CNNM4: variants seen among roughly 807,000 people sequenced by gnomAD.
CNNM4 encodes the protein cyclin and CBS domain divalent metal cation transport mediator 4, also known as metal transporter CNNM4.
A neutral mutation model predicts 53.7 loss-of-function variants in CNNM4; 32 were observed. The observed-to-expected ratio is 0.60, with a 90% confidence interval of 0.45 to 0.80. CNNM4 has a LOEUF of 0.80. CNNM4 is among the 30% of genes least tolerant of loss of function. The probability of loss-of-function intolerance (pLI) is 0.00; values close to 1 mark genes in which losing one functional copy is unlikely to be tolerated. For synonymous variants in CNNM4, 410 were observed against 440.0 expected (o/e 0.93, Z 0.85); for missense variants, 784 against 1,022.0 (o/e 0.77, Z 3.17).
In CNNM4 at chr2:96,809,874, A is replaced by G. The variant is rs1456553701; in HGVS notation, c.*357A>G. 4 of 175,846 alleles carry G rather than the reference A, an allele frequency of 2.3e-5. No homozygotes were observed. Among genetic ancestry groups the G allele is most frequent in the Admixed American group, 5.6e-5 (1 of 17,726 alleles). 10.9% of individuals were successfully genotyped at this position (175,846 alleles called of 1,614,324 possible). A position where few individuals can be genotyped will look rare whatever the true frequency, so the allele number is the denominator to read the frequency against. On this transcript the variant is annotated 3_prime_UTR_variant, in exon 7 of 7. Transcript: ENST00000377075. The stretch of plus-strand genomic sequence containing the variant: ...AAAAAAAAATATTTTTTTCCTAAAA[A>G]CTATAAAAGAGGAAGGGTTTCTTGT...
rs769139805 is a variant in CNNM4 at position 96,806,105 on chromosome 2, G to T, written c.1949-2456G>T. ...GACCCCCCCCAACCTCCCTCCCGGA[G>T]GGGGCGGCTGGCCGGGCGGGGGGCT... On this transcript the variant is annotated intron_variant, in intron 5 of 6. Coordinates refer to ENST00000377075, the MANE Select transcript of CNNM4 (RefSeq NM_020184.4). Among the ~76,000 whole-genome samples, 3 of 145,300 alleles carry T rather than the reference G, an allele frequency of 2.1e-5. 1 individual carries two copies. Among genetic ancestry groups the T allele is most frequent in the African/African-American group, 8.4e-5 (3 of 35,842 alleles).
intron 1 of CNNM4, among the ~76,000 whole-genome samples, chr2:96,780,041 C>G (rs1418562887): frequency 6.6e-6 from 1 of 152,114 alleles, no homozygotes; most frequent in Non-Finnish European, 1.5e-5. Context: ...ACCTTGTAAT[C>G]TGCCCGTCTT....
chr2:96,789,119 G>A (rs999912511), intron 1 of CNNM4, among the ~76,000 whole-genome samples: 49 of 152,128 alleles, frequency 3.2e-4, no homozygotes, highest in Admixed American at 1.3e-4. Flanking sequence ...AGGGGTTGGG[G>A]TAGCATGGCG....
chr2:96,805,977 G>A (rs1022555489), intron 5 of CNNM4, among the ~76,000 whole-genome samples: 4 of 151,462 alleles, frequency 2.6e-5, no homozygotes, highest in Non-Finnish European at 4.4e-5. Flanking sequence ...CCTCCCAGAC[G>A]GGGTGGTGGC....
At chr2:96,807,568 C>A (rs770887903) in intron 5 of CNNM4, among the ~76,000 whole-genome samples, 14 of 151,538 alleles carry the variant, frequency 9.2e-5, no homozygotes, top group Non-Finnish European at 1.8e-4. Context: ...ACCAAAAAAA[C>A]AAGAAAAAGA....
rs72809848 is a variant in CNNM4, at chr2:96,780,166, T to C, written c.1403-16846T>C. 8.9e-3 allele frequency among the ~76,000 whole-genome samples: 1,353 copies of C among 152,324 alleles called. 15 individuals carry two copies. Among genetic ancestry groups the C allele is most frequent in the Non-Finnish European group, 0.012 (828 of 68,030 alleles). ...CACGATGACCTTTTCATTTGTGTCC[T>C]CTTAGTTTCTTTCAAAAATATTTTT... On this transcript the variant is annotated intron_variant, in intron 1 of 6. Coordinates refer to ENST00000377075, the MANE Select transcript of CNNM4 (RefSeq NM_020184.4).
In CNNM4 at chr2:96,801,917, C is replaced by T. The variant is rs578062547; in HGVS notation, c.1948+2269C>T. On this transcript the variant is annotated intron_variant, in intron 5 of 6. Transcript: ENST00000377075. The surrounding 1 kb of genome is among the most constrained non-coding windows in gnomAD (Gnocchi z 5.6). The stretch of plus-strand genomic sequence containing the variant: ...GGATACACATACACACATAGATACA[C>T]CACTCATAGACACACAAACACACAC... Among the ~76,000 whole-genome samples, 1 of 151,388 alleles carries T rather than the reference C, an allele frequency of 6.6e-6. No individual in the cohort carries two copies. The highest frequency in any genetic ancestry group is 2.4e-5 in the African/African-American group (1 of 41,140).
rs548805987 is a variant in CNNM4 at position 96,810,107 on chromosome 2, C to T, written c.*590C>T. The T allele has an allele frequency of 8.5e-5, 13 of 153,308 alleles. No homozygotes were observed. The highest frequency in any genetic ancestry group is 2.1e-4 in the South Asian group (1 of 4,854). 9.5% of individuals were successfully genotyped at this position (153,308 alleles called of 1,614,324 possible). A position where few individuals can be genotyped will look rare whatever the true frequency, so the allele number is the denominator to read the frequency against. On this transcript the variant is annotated 3_prime_UTR_variant, in exon 7 of 7. Transcript: ENST00000377075. This position sits in a 1 kb window ranked among gnomAD's most constrained non-coding sequence, Gnocchi z 4.1. ...TGGAGATCAGCTGCCTGAGCACCTG[C>T]GCTGTAGCTTATCTGACAACGCTGA...
At position 96,801,114 on chromosome 2, in the gene CNNM4, C is replaced by T; in HGVS notation, c.1948+1466C>T. 2.0e-6 allele frequency: 2 copies of T among 985,396 alleles called. No individual in the cohort carries two copies. Among genetic ancestry groups the T allele is most frequent in the Non-Finnish European group, 2.4e-6 (2 of 829,902 alleles). The allele number at this position is 985,396 out of a possible 1,614,324, so 61.0% of individuals were successfully genotyped here. A position where few individuals can be genotyped will look rare whatever the true frequency, so the allele number is the denominator to read the frequency against. ...GGGTGTCCGCCTGGCAAGCGGAACT[C>T]CCTGCTCTGCTGGCTCACAGGTAAC... On this transcript the variant is annotated intron_variant, in intron 5 of 6. Coordinates refer to ENST00000377075, the MANE Select transcript of CNNM4 (RefSeq NM_020184.4). The surrounding 1 kb of genome is among the most constrained non-coding windows in gnomAD (Gnocchi z 5.6).
Position 96,797,616 on chromosome 2 carries a change from C to A in CNNM4, c.1650C>A (p.Leu550=), listed in dbSNP as rs1291040701. The change falls in exon 3 of 7, where the codon CTC becomes CTA. Residue 550 remains leucine (L), a synonymous_variant. Coordinates refer to ENST00000377075, the MANE Select transcript of CNNM4 (RefSeq NM_020184.4). This position sits in a 1 kb window ranked among gnomAD's most constrained non-coding sequence, Gnocchi z 6.0. The part of the protein sequence containing the change: ...NELKVKISPQ[L]LLAAHRFLAT... ...TCAAAGTGAAAATCTCCCCGCAGCT[C>A]CTCCTGGCCGCTCATCGCTTCCTAG... The A allele has an allele frequency of 6.2e-7, 1 of 1,614,162 alleles. No individual in the cohort carries two copies. Among genetic ancestry groups the A allele is most frequent in the South Asian group, 1.1e-5 (1 of 91,080 alleles).
At position 96,808,629 on chromosome 2, in the gene CNNM4, G is replaced by A. The variant is rs762359675; in HGVS notation, c.2017G>A (p.Val673Ile). ...ASLSYPDRTD[V>I]STAATLAGSS... The stretch of plus-strand genomic sequence containing the variant: ...CCTCAGTTACCCAGACCGCACAGAC[G>A]TCTCAACTGCAGCAACCTTGGCAGG... The change falls in exon 6 of 7, where the codon GTC becomes ATC. Residue 673 changes from valine to isoleucine, a missense_variant. Val to Ile is a conservative substitution (Grantham distance 29, BLOSUM62 3). Around this residue, in one of 3 missense-constraint regions of CNNM4, gnomAD observed 307 missense variants for 376.3 expected, o/e 0.82. Transcript: ENST00000377075. This position sits in a 1 kb window ranked among gnomAD's most constrained non-coding sequence, Gnocchi z 4.9. The A allele has an allele frequency of 2.4e-5, 38 of 1,613,950 alleles. No individual in the cohort carries two copies. The highest frequency in any genetic ancestry group is 6.7e-5 in the East Asian group (3 of 44,888).
chr2:96,770,180 A>C (rs1461727248), intron 1 of CNNM4, among the ~76,000 whole-genome samples: 1 of 152,218 alleles, frequency 6.6e-6, no homozygotes, highest in Non-Finnish European at 1.5e-5. Flanking sequence ...TTGTTTGTGC[A>C]ATGGAAGGCA....
At chr2:96,786,134 A>G (rs915372943) in intron 1 of CNNM4, among the ~76,000 whole-genome samples, 1 of 152,034 alleles carries the variant, frequency 6.6e-6, no homozygotes, top group Non-Finnish European at 1.5e-5. Context: ...AAGTAAAGAT[A>G]GGCCTGGCGC....
rs369622669 is a variant in CNNM4 at position 96,809,529 on chromosome 2, G to A, written c.*12G>A. ...AGAATGCCATCTGACAGGAGGGCCC[G>A]GGGCCCCCTGCCCACCCTGCGGGGG... On this transcript the variant is annotated 3_prime_UTR_variant, in exon 7 of 7. Coordinates refer to ENST00000377075, the MANE Select transcript of CNNM4 (RefSeq NM_020184.4). 9 of 1,613,744 alleles carry A rather than the reference G, an allele frequency of 5.6e-6. No individual in the cohort carries two copies. Among genetic ancestry groups the A allele is most frequent in the African/African-American group, 2.7e-5 (2 of 75,058 alleles).
intron 1 of CNNM4, among the ~76,000 whole-genome samples, chr2:96,768,654 G>A (rs1044169776): frequency 2.6e-5 from 4 of 152,230 alleles, no homozygotes; most frequent in Non-Finnish European, 5.9e-5. Flanking sequence ...AGTGAGGGCA[G>A]AGGGAGGTAA....
intron 1 of CNNM4, among the ~76,000 whole-genome samples, chr2:96,780,824 G>A (rs553460310): frequency 6.6e-6 from 1 of 151,574 alleles, no homozygotes; most frequent in East Asian, 1.9e-4. Context: ...TGCAACCTCT[G>A]CCTCCTGGGT....
Position 96,797,035 on chromosome 2 carries a change from C to G in CNNM4, c.1426C>G (p.Gln476Glu). The change falls in exon 2 of 7, where the codon CAG becomes GAG. Residue 476 changes from glutamine (Q) to glutamate (E), a missense_variant. Gln to Glu is a conservative substitution (Grantham distance 29, BLOSUM62 2). Coordinates refer to ENST00000377075, the MANE Select transcript of CNNM4 (RefSeq NM_020184.4). The surrounding 1 kb of genome is among the most constrained non-coding windows in gnomAD (Gnocchi z 6.0). ...AGGGAAGTCCCACCTGGCCATCGTG[C>G]AGAAGGTAAACAACGAGGGTGAGGG... ...KKGKSHLAIV[Q>E]KVNNEGEGDP... is the part of the protein sequence containing the mutation. The G allele has an allele frequency of 2.5e-6, 4 of 1,613,562 alleles. No individual in the cohort carries two copies. Among genetic ancestry groups the G allele is most frequent in the Non-Finnish European group, 8.5e-7 (1 of 1,180,002 alleles).
rs996702633 is a variant in CNNM4 at position 96,799,155 on chromosome 2, A to T, written c.1780A>T (p.Asn594Tyr). 6 of 1,614,124 alleles carry T rather than the reference A, an allele frequency of 3.7e-6. No homozygotes were observed. Among genetic ancestry groups the T allele is most frequent in the Non-Finnish European group, 5.1e-6 (6 of 1,180,014 alleles). ...VIQELKFDEH[N>Y]KYYARHYLYT... is the part of the protein sequence containing the mutation. ...TCAGGAACTCAAGTTTGACGAGCAC[A>T]ATAAGTACTACGCCCGCCATTACCT... The change falls in exon 4 of 7, where the codon AAT (asparagine) becomes TAT (tyrosine). Residue 594 changes from asparagine (N) to tyrosine (Y), a missense_variant. Transcript: ENST00000377075.
chr2:96,768,515 G>A (rs760285882), intron 1 of CNNM4, among the ~76,000 whole-genome samples: 2 of 152,180 alleles, frequency 1.3e-5, no homozygotes, highest in South Asian at 4.1e-4. Flanking sequence ...AACTAGACTC[G>A]TTGATCCTTG....
Sources: gnomAD v4.1 joint callset for allele counts (sites outside exome capture counted in the v4.1 genomes callset) on GRCh38, gnomAD v4.1.1 for gene constraint, gnomAD v4.1.1 regional missense constraint, Gnocchi (gnomAD v3.1) non-coding constraint, MANE v1.5 for transcripts, NCBI Gene and HGNC (gene_info 2026-07-23, HGNC 2026-07-21) for gene names.